SPIDR: variants seen among roughly 807,000 people sequenced by gnomAD.
SPIDR encodes the protein DNA repair-scaffolding protein.
Under a neutral mutation model 104.6 loss-of-function variants are expected in SPIDR, and 93 were observed. The ratio of observed to expected loss-of-function variants is 0.89; its 90% CI spans 0.75 to 1.06. SPIDR has a LOEUF of 1.06. SPIDR is among the 50% of genes least tolerant of loss of function. The pLI, the probability that SPIDR is intolerant of heterozygous loss-of-function variation, is 0.00. For synonymous variants in SPIDR, 431 were observed against 416.9 expected (o/e 1.03, Z -0.41); for missense variants, 1,154 against 1,111.2 (o/e 1.04, Z -0.55).
intron 8 of SPIDR, among the ~76,000 whole-genome samples, chr8:47,540,417 A>G (rs2087861992): frequency 1.3e-5 from 2 of 152,234 alleles, no homozygotes; most frequent in African/African-American, 4.8e-5. Flanking sequence ...ACAGGATGAT[A>G]TTTTTTGAAA....
At chr8:47,314,627 A>G (rs1237488153) in intron 5 of SPIDR, among the ~76,000 whole-genome samples, 1 of 152,144 alleles carries the variant, frequency 6.6e-6, no homozygotes, top group African/African-American at 2.4e-5. Flanking sequence ...CGAGAATAGC[A>G]TGAGGGTAAC....
At chr8:47,500,770 T>C (rs1260533584) in intron 8 of SPIDR, among the ~76,000 whole-genome samples, 1 of 152,198 alleles carries the variant, frequency 6.6e-6, no homozygotes, top group Admixed American at 6.5e-5. Context: ...GTTTTTATGG[T>C]TTTAGGTCTA....
intron 14 of SPIDR, among the ~76,000 whole-genome samples, chr8:47,703,339 A>C (rs563144317): frequency 2.0e-5 from 3 of 152,372 alleles, no homozygotes; most frequent in African/African-American, 7.2e-5. Context: ...AATATGTTTC[A>C]TAACTTCTAG....
chr8:47,683,644 G>A (rs1402674486), intron 11 of SPIDR, among the ~76,000 whole-genome samples: 3 of 152,150 alleles, frequency 2.0e-5, no homozygotes, highest in Non-Finnish European at 2.9e-5. Context: ...TCCCTAATGG[G>A]AAAATATGAA....
At chr8:47,699,658 G>C (rs564111616) in intron 11 of SPIDR, among the ~76,000 whole-genome samples, 30 of 152,214 alleles carry the variant, frequency 2.0e-4, no homozygotes, top group African/African-American at 7.2e-4. Flanking sequence ...GGGTTCAAGC[G>C]ATTTTCCTGC....
intron 7 of SPIDR, among the ~76,000 whole-genome samples, chr8:47,437,314 A>G (rs1202765179): frequency 9.7e-5 from 14 of 144,274 alleles, no homozygotes; most frequent in East Asian, 2.1e-4. Context: ...TCATCGTTCA[A>G]TTCCCACCTG....
At chr8:47,438,174 A>G (rs879992216) in intron 7 of SPIDR, among the ~76,000 whole-genome samples, 5 of 152,244 alleles carry the variant, frequency 3.3e-5, no homozygotes, top group Non-Finnish European at 5.9e-5. Context: ...CTCAGCTGGC[A>G]CACTTGAACT....
At chr8:47,725,937 C>T (rs1413747792) in intron 16 of SPIDR, among the ~76,000 whole-genome samples, 6 of 152,244 alleles carry the variant, frequency 3.9e-5, no homozygotes, top group African/African-American at 1.4e-4. Flanking sequence ...AGGTAGCAGT[C>T]ATTTACCAAA....
chr8:47,470,810 C>G (rs1253419847), intron 8 of SPIDR, among the ~76,000 whole-genome samples: 1 of 152,052 alleles, frequency 6.6e-6, no homozygotes, highest in Non-Finnish European at 1.5e-5. Flanking sequence ...TCTCGGCTCA[C>G]TGCAAGCTCT....
intron 1 of SPIDR, among the ~76,000 whole-genome samples, chr8:47,268,665 C>T (rs1382656132): frequency 6.6e-6 from 1 of 151,944 alleles, no homozygotes; most frequent in Admixed American, 6.6e-5. Flanking sequence ...GCTGTGTTGC[C>T]CAGGCTGGTC....
At position 47,440,351 on chromosome 8, in the gene SPIDR, A is replaced by C. The variant is rs1554695692; in HGVS notation, c.906A>C (p.Lys302Asn). The change falls in exon 8 of 20, where the codon AAA becomes AAC. Residue 302 changes from lysine to asparagine, a missense_variant. Transcript: ENST00000297423. The part of the protein sequence containing the change: ...SGRKSGVLTV[K>N]ILELHEECAM... ...GAAAATCTGGTGTATTAACTGTGAA[A>C]ATTTTAGAGCTGCATGAGGAATGTG... 1 of 1,614,112 alleles carries C rather than the reference A, an allele frequency of 6.2e-7. No homozygotes were observed. The highest frequency in any genetic ancestry group is 8.5e-7 in the Non-Finnish European group (1 of 1,180,004).
At chr8:47,619,879 C>A (rs1038780828) in intron 10 of SPIDR, among the ~76,000 whole-genome samples, 3 of 152,020 alleles carry the variant, frequency 2.0e-5, no homozygotes, top group African/African-American at 7.3e-5. Flanking sequence ...TATTCTATTT[C>A]CCCCACCGTG....
chr8:47,397,280 A>G (rs1409468129), intron 6 of SPIDR, among the ~76,000 whole-genome samples: 1 of 152,070 alleles, frequency 6.6e-6, no homozygotes, highest in African/African-American at 2.4e-5. Flanking sequence ...GGTGGATCAC[A>G]AGGTCAGGAG....
At chr8:47,451,214 A>T (rs1585918885) in intron 8 of SPIDR, among the ~76,000 whole-genome samples, 1 of 152,234 alleles carries the variant, frequency 6.6e-6, no homozygotes, top group Admixed American at 6.5e-5. Flanking sequence ...TGAAAATATC[A>T]GTAAAGATAC....
intron 5 of SPIDR, among the ~76,000 whole-genome samples, chr8:47,392,486 T>C (rs751003510): frequency 3.9e-5 from 6 of 152,242 alleles, no homozygotes; most frequent in Non-Finnish European, 8.8e-5. Flanking sequence ...CTGTAGCAGC[T>C]AACATAGCAT....
At chr8:47,562,946 T>A (rs1374514760) in intron 8 of SPIDR, among the ~76,000 whole-genome samples, 1 of 152,136 alleles carries the variant, frequency 6.6e-6, no homozygotes, top group Non-Finnish European at 1.5e-5. Flanking sequence ...TTCTTAACTC[T>A]GTTTTGATGT....
intron 10 of SPIDR, among the ~76,000 whole-genome samples, chr8:47,641,554 G>A (rs760636048): frequency 1.3e-5 from 2 of 152,310 alleles, no homozygotes; most frequent in Non-Finnish European, 2.9e-5. Context: ...ATGATAGTGA[G>A]TAGTAAGTGC....
intron 8 of SPIDR, among the ~76,000 whole-genome samples, chr8:47,532,442 C>T (rs2086183785): frequency 6.6e-6 from 1 of 152,186 alleles, no homozygotes; most frequent in Non-Finnish European, 1.5e-5. Context: ...TATAAAAACA[C>T]AGATAGGGAT....
At chr8:47,286,814 C>T (rs1211531498) in intron 3 of SPIDR, among the ~76,000 whole-genome samples, 1 of 152,148 alleles carries the variant, frequency 6.6e-6, no homozygotes, top group African/African-American at 2.4e-5. Context: ...AGCCTCAAGG[C>T]AGTGAGAGGT....
Sources: allele counts gnomAD v4.1 joint callset (sites outside exome capture counted in the v4.1 genomes callset), GRCh38; gene constraint gnomAD v4.1.1; transcripts MANE v1.5; gene names NCBI Gene and HGNC (gene_info 2026-07-23, HGNC 2026-07-21).